Variants in MEMO1 observed in about 807,000 individuals in gnomAD.
MEMO1 encodes the protein mediator of cell motility 1, also known as protein MEMO1.
A neutral mutation model predicts 45.2 loss-of-function variants in MEMO1; 6 were observed. The observed-to-expected ratio is 0.13, with a 90% CI of 0.07 to 0.26. The LOEUF (loss-of-function observed/expected upper bound fraction) is 0.26, where lower values mean the gene tolerates loss of function less well. Ranked by LOEUF, MEMO1 falls within the 10% of genes least tolerant of loss-of-function variation. MEMO1 has a pLI of 1.00. For missense variants in MEMO1, 184 were observed against 370.5 expected (o/e 0.50, Z 4.13); for synonymous variants, 78 against 124.3 (o/e 0.63, Z 2.48).
rs558437928 is a variant in MEMO1 at position 31,886,417 on chromosome 2, T to A, written c.581-2955A>T. Among the ~76,000 whole-genome samples, 5 of 152,294 alleles carry A rather than the reference T, an allele frequency of 3.3e-5. No individual in the cohort carries two copies. The South Asian group carries it at 1.0e-3, about 32-fold the overall frequency. On this transcript the variant is annotated intron_variant, in intron 7 of 9. Coordinates refer to ENST00000404530, the MANE Select transcript of MEMO1 (RefSeq NM_001301833.4). ...ATATGTATGTGTGTATTTACGTATG[T>A]CTGCATACACACACACAACTTTAGT...
At position 31,895,751 on chromosome 2, in the gene MEMO1, C is replaced by T. The variant is rs534235263; in HGVS notation, c.438-3617G>A. 1.5e-4 allele frequency among the ~76,000 whole-genome samples: 22 copies of T among 149,768 alleles called. No individual in the cohort carries two copies. The South Asian group carries it at 4.4e-3, about 30-fold the overall frequency. ...TAACCTACAGATCTAAGAAATTCAA[C>T]AAATCCAAAGTATGATAAGCACAAA... is the stretch of plus-strand genomic sequence containing the variant. On this transcript the variant is annotated intron_variant, in intron 6 of 9. Transcript: ENST00000404530.
At chr2:31,960,647 G>A (rs1667906035) in intron 2 of MEMO1, among the ~76,000 whole-genome samples, 1 of 152,138 alleles carries the variant, frequency 6.6e-6, no homozygotes, top group Non-Finnish European at 1.5e-5. Context: ...GTGCAGTGGT[G>A]TGATCTTGGC....
chr2:31,881,495 T>TAAAAAAAAAAAAAAAAAAAAAAAAAAA (rs34058748), intron 8 of MEMO1, among the ~76,000 whole-genome samples: 1 of 68,430 alleles, frequency 1.5e-5, no homozygotes, highest in Non-Finnish European at 2.6e-5. Context: ...AGCCTGTCTT[T>TAAAAAAAAAAAAAAAAAAAAAAAAAAA]AAAAAAAAAA....
Position 31,869,718 on chromosome 2 carries a change from T to C in MEMO1, c.762+130A>G, listed in dbSNP as rs377169610. On this transcript the variant is annotated intron_variant, in intron 9 of 9. Coordinates refer to ENST00000404530, the MANE Select transcript of MEMO1 (RefSeq NM_001301833.4). The stretch of plus-strand genomic sequence containing the variant: ...CCAAAAGCAATGGAACTCCAAATTA[T>C]ATTAAAGATACTAAAAAGAAACTTG... The C allele has an allele frequency of 8.8e-6, 8 of 910,114 alleles. No homozygotes were observed. In the East Asian group the frequency reaches 9.7e-5, roughly 11 times the overall value. The allele number at this position is 910,114 out of a possible 1,614,324, so 56.4% of individuals were successfully genotyped here. A position where few individuals can be genotyped will look rare whatever the true frequency, so the allele number is the denominator to read the frequency against.
At position 31,944,854 on chromosome 2, in the gene MEMO1, T is replaced by C. The variant is rs139435409; in HGVS notation, c.62-1471A>G. ...TCTTTTAAAACTTTTAATCATTAAA[T>C]ATTTAAACATTACAAAAGAATCTAG... On this transcript the variant is annotated intron_variant, in intron 2 of 9. Coordinates refer to ENST00000404530, the MANE Select transcript of MEMO1 (RefSeq NM_001301833.4). Among the ~76,000 whole-genome samples, 1,494 of 152,296 alleles carry C rather than the reference T, an allele frequency of 9.8e-3. 27 individuals are homozygous for C. Among genetic ancestry groups the C allele is most frequent in the South Asian group, 0.052 (249 of 4,830 alleles).
At chr2:31,958,673 A>G (rs553467811) in intron 2 of MEMO1, among the ~76,000 whole-genome samples, 1 of 152,240 alleles carries the variant, frequency 6.6e-6, no homozygotes, top group South Asian at 2.1e-4. Flanking sequence ...TTGTTTTGAG[A>G]CAAGCTCTGG....
chr2:31,988,482 G>C (rs1392108181), intron 2 of MEMO1, among the ~76,000 whole-genome samples: 1 of 152,188 alleles, frequency 6.6e-6, no homozygotes, highest in African/African-American at 2.4e-5. Context: ...AGGAGGCAGA[G>C]GTTGCAGTGA....
intron 3 of MEMO1, among the ~76,000 whole-genome samples, chr2:31,939,779 CAAATG>C (rs1457725937): frequency 6.6e-6 from 1 of 152,186 alleles, no homozygotes; most frequent in African/African-American, 2.4e-5. Flanking sequence ...TAAAATCTCA[CAAATG>C]AAATAAAAAT....
intron 2 of MEMO1, among the ~76,000 whole-genome samples, chr2:31,947,483 G>T (rs1666327116): frequency 6.6e-6 from 1 of 152,168 alleles, no homozygotes; most frequent in African/African-American, 2.4e-5. Flanking sequence ...ATACATGAAG[G>T]ATTTAGAAAT....
chr2:32,010,733 A>G (rs1403977434), intron 1 of MEMO1, among the ~76,000 whole-genome samples: 1 of 109,230 alleles, frequency 9.2e-6, no homozygotes, highest in African/African-American at 3.4e-5. Context: ...AGGGCCCTCC[A>G]GCCCGGCCGC....
At chr2:31,923,482 A>G in intron 4 of MEMO1, 2 of 781,452 alleles carry the variant, frequency 2.6e-6, no homozygotes, top group Non-Finnish European at 3.6e-6. Context: ...AGATTTCTAA[A>G]TGAAGAAAAA....
chr2:32,000,335 C>T (rs148504905), intron 2 of MEMO1, among the ~76,000 whole-genome samples: 12 of 152,068 alleles, frequency 7.9e-5, no homozygotes, highest in African/African-American at 2.4e-4. Context: ...GTTCACTCCA[C>T]TCTTCTCGCC....
intron 6 of MEMO1, among the ~76,000 whole-genome samples, chr2:31,897,205 C>T (rs1436033457): frequency 2.0e-5 from 3 of 152,214 alleles, no homozygotes; most frequent in African/African-American, 7.2e-5. Flanking sequence ...TATTTGAATA[C>T]AGTTTATTTC....
chr2:31,972,629 T>C lies in MEMO1; in HGVS notation c.62-29246A>G, dbSNP rs572295387. 7.9e-5 allele frequency among the ~76,000 whole-genome samples: 12 copies of C among 152,258 alleles called. No individual in the cohort carries two copies. The South Asian group carries it at 2.3e-3, about 29-fold the overall frequency. On this transcript the variant is annotated intron_variant, in intron 2 of 9. Transcript: ENST00000404530. ...AGGAGGCTGAGACAGGAGAATTGCT[T>C]GAGCCCAGGAGATGGAGGTTGCAGT...
chr2:31,913,050 G>A (rs555361738), intron 6 of MEMO1, among the ~76,000 whole-genome samples: 3 of 151,980 alleles, frequency 2.0e-5, no homozygotes, highest in Admixed American at 6.6e-5. Flanking sequence ...AGGCCAAGGC[G>A]GGCGGATCAC....
intron 5 of MEMO1, among the ~76,000 whole-genome samples, chr2:31,919,764 A>T (rs1348397088): frequency 6.6e-6 from 1 of 152,084 alleles, no homozygotes; most frequent in Non-Finnish European, 1.5e-5. Context: ...TTGAGGCTGC[A>T]GTGAACTATA....
intron 6 of MEMO1, among the ~76,000 whole-genome samples, chr2:31,913,730 G>A (rs1408014612): frequency 6.6e-6 from 1 of 152,054 alleles, no homozygotes; most frequent in African/African-American, 2.4e-5. Flanking sequence ...GCTCCAGGCA[G>A]AAAACATTAT....
At chr2:31,947,800 C>T (rs1394481240) in intron 2 of MEMO1, among the ~76,000 whole-genome samples, 1 of 152,074 alleles carries the variant, frequency 6.6e-6, no homozygotes, top group African/African-American at 2.4e-5. Flanking sequence ...GGTGACAAAA[C>T]CAGACACTAA....
At chr2:31,983,510 C>T (rs1413327077) in intron 2 of MEMO1, among the ~76,000 whole-genome samples, 1 of 152,112 alleles carries the variant, frequency 6.6e-6, no homozygotes, top group African/African-American at 2.4e-5. Flanking sequence ...TCTCGGCTCA[C>T]TGCGACATCC....
Sources: gnomAD v4.1 joint callset for allele counts (sites outside exome capture counted in the v4.1 genomes callset) on GRCh38, gnomAD v4.1.1 for gene constraint, MANE v1.5 for transcripts, NCBI Gene and HGNC (gene_info 2026-07-23, HGNC 2026-07-21) for gene names.